ABL1: variants seen among roughly 807,000 people sequenced by gnomAD.
ABL1 encodes the protein ABL proto-oncogene 1, non-receptor tyrosine kinase.
Under a neutral mutation model 94.7 loss-of-function variants are expected in ABL1, and 11 were observed. The observed-to-expected ratio is 0.12, with a 90% CI of 0.07 to 0.19. The LOEUF is 0.19. ABL1 is among the 10% of genes least tolerant of loss of function. The probability of loss-of-function intolerance (pLI) is 1.00; values close to 1 mark genes in which losing one functional copy is unlikely to be tolerated. For synonymous variants in ABL1, 656 were observed against 622.4 expected, an observed-to-expected ratio of 1.05 and a Z score of -0.80; for missense variants, 1,082 against 1,489.4, an observed-to-expected ratio of 0.73 and a Z score of 4.50.
chr9:130,855,262 A>G (rs931891781), intron 3 of ABL1, among the ~76,000 whole-genome samples, 166 bp downstream of exon 3: 1 of 152,168 alleles, frequency 6.6e-6, no homozygotes, highest in Non-Finnish European at 1.5e-5. Flanking sequence ...TTTATTGAGG[A>G]TCCGTTCTGT....
At chr9:130,854,584 G>A (rs1169136979) in intron 2 of ABL1, among the ~76,000 whole-genome samples, 3 of 152,174 alleles carry the variant, frequency 2.0e-5, no homozygotes, top group Non-Finnish European at 2.9e-5. Flanking sequence ...TAAAAACTGA[G>A]GCTATACACT....
chr9:130,724,059 C>T (rs139774456), intron 1 of ABL1, among the ~76,000 whole-genome samples: 4,789 of 152,146 alleles, frequency 0.031, 125 homozygotes, highest in Non-Finnish European at 0.047. Context: ...ATCCACCTGC[C>T]TTGGCCTTCC....
chr9:130,783,479 A>G (rs1829783732), intron 1 of ABL1, among the ~76,000 whole-genome samples: 1 of 152,210 alleles, frequency 6.6e-6, no homozygotes, highest in Non-Finnish European at 1.5e-5. Flanking sequence ...AGTAGATTAC[A>G]TTTGGATTTG....
At chr9:130,837,695 T>C (rs1830609725) in intron 1 of ABL1, among the ~76,000 whole-genome samples, 1 of 152,224 alleles carries the variant, frequency 6.6e-6, no homozygotes, top group African/African-American at 2.4e-5. Flanking sequence ...ATTATCATTT[T>C]GTAGTTGGTA....
At chr9:130,733,618 G>A (rs1588214862) in intron 1 of ABL1, among the ~76,000 whole-genome samples, 1 of 126,150 alleles carries the variant, frequency 7.9e-6, no homozygotes, top group African/African-American at 3.1e-5. Context: ...CTCACTCGTT[G>A]CCCAGGCTGG....
intron 8 of ABL1, among the ~76,000 whole-genome samples, chr9:130,879,005 G>A (rs941624168): frequency 9.2e-5 from 14 of 151,508 alleles, no homozygotes; most frequent in African/African-American, 3.4e-4. Flanking sequence ...AGCCTCCCAA[G>A]TAGCTGGGAT....
intron 10 of ABL1, among the ~76,000 whole-genome samples, chr9:130,881,183 G>C (rs1831446706): frequency 6.6e-6 from 1 of 152,098 alleles, no homozygotes; most frequent in African/African-American, 2.4e-5. Context: ...CTCAGGAGGG[G>C]GTCTCAAGAC....
intron 1 of ABL1, among the ~76,000 whole-genome samples, chr9:130,827,899 T>A (rs147055315): frequency 7.6e-6 from 1 of 131,512 alleles, no homozygotes. Context: ...GTCTCAAAAA[T>A]AATAAATAAA....
At chr9:130,800,011 T>G (rs1830033955) in intron 1 of ABL1, among the ~76,000 whole-genome samples, 1 of 152,116 alleles carries the variant, frequency 6.6e-6, no homozygotes, top group Non-Finnish European at 1.5e-5. Context: ...TAGCTAGGAC[T>G]ACAGGCACCT....
chr9:130,813,728 A>G (rs1269072373), intron 1 of ABL1, among the ~76,000 whole-genome samples: 2 of 152,236 alleles, frequency 1.3e-5, no homozygotes, highest in African/African-American at 4.8e-5. Flanking sequence ...GTAAGTAAGT[A>G]TCTGGAACTG....
chr9:130,756,717 G>C (rs1017283929), intron 1 of ABL1, among the ~76,000 whole-genome samples: 1 of 152,168 alleles, frequency 6.6e-6, no homozygotes, highest in African/African-American at 2.4e-5. Context: ...GTAACACAGC[G>C]TCAGCCTGAC....
upstream of ABL1, among the ~76,000 whole-genome samples, chr9:130,834,475 G>A (rs1368376470): frequency 6.6e-6 from 1 of 152,150 alleles, no homozygotes; most frequent in East Asian, 1.9e-4. Context: ...TCTGTGGTCA[G>A]TCCAAACAAG....
chr9:130,717,869 C>T (rs374647231), intron 1 of ABL1, among the ~76,000 whole-genome samples: 1 of 151,890 alleles, frequency 6.6e-6, no homozygotes, highest in African/African-American at 2.4e-5. Flanking sequence ...AAAAATTAGC[C>T]GGGCGTGGTG....
At chr9:130,752,669 C>T (rs1231580538) in intron 1 of ABL1, among the ~76,000 whole-genome samples, 1 of 151,998 alleles carries the variant, frequency 6.6e-6, no homozygotes, top group Non-Finnish European at 1.5e-5. Context: ...TTAAGAATAC[C>T]CCTTGGTGGC....
chr9:130,746,472 C>A (rs568412761), intron 1 of ABL1, among the ~76,000 whole-genome samples: 1 of 151,182 alleles, frequency 6.6e-6, no homozygotes, highest in African/African-American at 2.4e-5. Flanking sequence ...AACCACTGAT[C>A]TGTTCTCATC....
chr9:130,727,716 A>G (rs962877194), intron 1 of ABL1, among the ~76,000 whole-genome samples: 8 of 140,908 alleles, frequency 5.7e-5, no homozygotes, highest in Non-Finnish European at 9.0e-5. Context: ...AGATCGCGCC[A>G]TTGCACTCCA....
intron 1 of ABL1, among the ~76,000 whole-genome samples, chr9:130,742,498 C>T (rs143936837): frequency 2.0e-5 from 3 of 152,272 alleles, no homozygotes; most frequent in Admixed American, 2.0e-4. Flanking sequence ...CTCCAGGTTT[C>T]GTCACATATT....
intron 1 of ABL1, among the ~76,000 whole-genome samples, chr9:130,735,084 C>T (rs1831717467): frequency 6.6e-6 from 1 of 152,030 alleles, no homozygotes; most frequent in Non-Finnish European, 1.5e-5. Flanking sequence ...GGCTGGAGTG[C>T]AATGGCATGA....
intron 1 of ABL1, among the ~76,000 whole-genome samples, chr9:130,796,940 AAG>A (rs1829982831): frequency 7.1e-6 from 1 of 141,724 alleles, no homozygotes; most frequent in African/African-American, 2.7e-5. Context: ...AAAAAAAAAA[AAG>A]GCACTTTTTT....
Sources: allele counts gnomAD v4.1 joint callset (sites outside exome capture counted in the v4.1 genomes callset), GRCh38; gene constraint gnomAD v4.1.1; transcripts MANE v1.5; gene names NCBI Gene and HGNC (gene_info 2026-07-23, HGNC 2026-07-21).